CARF: variants seen among roughly 807,000 people sequenced by gnomAD.
CARF encodes calcium-responsive transcription factor.
Under a neutral mutation model 82.0 loss-of-function variants are expected in CARF, and 57 were observed. That is an observed-to-expected ratio of 0.70 (90% CI 0.56 to 0.87). CARF has a LOEUF of 0.87. CARF is among the 40% of genes least tolerant of loss of function. CARF has a pLI of 0.00. For synonymous variants in CARF, 268 were observed against 290.1 expected (o/e 0.92, Z 0.77); for missense variants, 771 against 855.8 (o/e 0.90, Z 1.24).
In CARF at chr2:202,956,934, G is replaced by A. The variant is rs149657582; in HGVS notation, c.642+1176G>A. Among the ~76,000 whole-genome samples, 40 of 152,066 alleles carry A rather than the reference G, an allele frequency of 2.6e-4. No individual in the cohort carries two copies. In the East Asian group the frequency reaches 6.6e-3, roughly 25 times the overall value. On this transcript the variant is annotated intron_variant, in intron 8 of 16. Transcript: ENST00000438828. ...CTCTTGAGTAGCTGAGACTACTTGC[G>A]CGTGCCACCACGCTCAGCTAATTTT...
At position 202,971,488 on chromosome 2, in the gene CARF, A is replaced by G; in HGVS notation, c.1098-17A>G. ...AATGTTTAAATTTTAGTAATTTTAA[A>G]TATTTTCTCTTACCAGGTGGTATGT... On this transcript the variant is annotated splice_polypyrimidine_tract_variant and intron_variant, in intron 11 of 16. Coordinates refer to ENST00000438828, the MANE Select transcript of CARF (RefSeq NM_024744.17). 6.9e-7 allele frequency: 1 copy of G among 1,444,534 alleles called. No individual in the cohort carries two copies. The highest frequency in any genetic ancestry group is 9.5e-7 in the Non-Finnish European group (1 of 1,047,500). 89.5% of individuals were successfully genotyped at this position (1,444,534 alleles called of 1,614,324 possible).
At chr2:202,974,931 AAATGTAAATACTC>A (rs1243809941) in intron 13 of CARF, among the ~76,000 whole-genome samples, 16 of 152,184 alleles carry the variant, frequency 1.1e-4, no homozygotes, top group Admixed American at 8.5e-4. Context: ...CTTTTTCTTA[AAATGTAAATACTC>A]AATGTTTAGA....
At chr2:202,970,454 A>C (rs1541853) in intron 11 of CARF, among the ~76,000 whole-genome samples, 13,490 of 152,274 alleles carry the variant, frequency 0.089, 737 homozygotes, top group Non-Finnish European at 0.12. Context: ...ATCTTTGATT[A>C]CTTACGGCAG....
chr2:202,915,595 G>A (rs890177717), intron 1 of CARF, among the ~76,000 whole-genome samples: 10 of 151,982 alleles, frequency 6.6e-5, no homozygotes, highest in South Asian at 2.1e-4. Context: ...TCAGCCTCCC[G>A]AGTAGCTGGG....
chr2:202,949,431 C>T (rs2058653076), intron 5 of CARF, among the ~76,000 whole-genome samples: 1 of 151,730 alleles, frequency 6.6e-6, no homozygotes, highest in Admixed American at 6.6e-5. Flanking sequence ...GCTAGAACTA[C>T]AGGGGTGTGC....
intron 3 of CARF, among the ~76,000 whole-genome samples, chr2:202,936,172 A>T (rs1693900661): frequency 6.6e-6 from 1 of 152,148 alleles, no homozygotes; most frequent in Admixed American, 6.6e-5. Flanking sequence ...ACATCCCAAG[A>T]AAAATTCCTT....
intron 9 of CARF, chr2:202,963,315 CA>C (rs34931291): frequency 0.83 from 104,462 of 125,270 alleles, 43,400 homozygotes; most frequent in Non-Finnish European, 0.92. Flanking sequence ...GACTCCGTCT[CA>C]AAAAAAAAAA....
chr2:202,912,408 G>C lies in CARF; in HGVS notation c.-1024G>C, dbSNP rs1471165141. ...CTTGTGGGGCTATCGGCGGCGGCAG[G>C]ACTGGGGGAGTCAGAGGTCTGGCAG... On this transcript the variant is annotated 5_prime_UTR_variant, in exon 1 of 17. Transcript: ENST00000438828. 1 of 150,786 alleles carries C rather than the reference G, an allele frequency of 6.6e-6. No individual in the cohort carries two copies. The highest frequency in any genetic ancestry group is 2.4e-5 in the African/African-American group (1 of 41,090). The allele number at this position is 150,786 out of a possible 1,614,324, so 9.3% of individuals were successfully genotyped here.
intron 6 of CARF, among the ~76,000 whole-genome samples, chr2:202,953,578 G>A (rs1230847405): frequency 9.6e-6 from 1 of 104,282 alleles, no homozygotes; most frequent in Non-Finnish European, 1.8e-5. Context: ...ATACTGTTAT[G>A]TTGCTTCTTC....
chr2:202,942,764 G>A lies in CARF; in HGVS notation c.103G>A (p.Asp35Asn), dbSNP rs754986358. Residue 35 changes from aspartate to asparagine, a missense_variant, in exon 5 of 17, where the codon GAT becomes AAT. Transcript: ENST00000438828. ...GCATCTAATCTGTATGGACTCCAGG[G>A]ATTCTTCCTTTGGACAAAATGATTC... The part of the protein sequence containing the change: ...FEHLICMDSR[D>N]SSFGQNDSPT... The A allele has an allele frequency of 1.3e-5, 21 of 1,613,526 alleles. 1 individual carries two copies. The Middle Eastern group carries it at 6.6e-4, about 51-fold the overall frequency.
At chr2:202,959,682 G>A (rs1184425533) in intron 8 of CARF, among the ~76,000 whole-genome samples, 2 of 151,988 alleles carry the variant, frequency 1.3e-5, no homozygotes, top group East Asian at 3.9e-4. Flanking sequence ...GGTGATGCAC[G>A]CCTGTAATCC....
At chr2:202,930,517 T>C (rs949342739) in intron 3 of CARF, among the ~76,000 whole-genome samples, 29 of 152,220 alleles carry the variant, frequency 1.9e-4, no homozygotes, top group Admixed American at 1.9e-3. Context: ...AGCTCTCTAT[T>C]GTATTTATTT....
At chr2:202,925,066 T>A in intron 3 of CARF, 1 of 416,146 alleles carries the variant, frequency 2.4e-6, no homozygotes, top group Non-Finnish European at 4.7e-6. Flanking sequence ...GTTTGAGAGC[T>A]ACATCAACAA....
intron 5 of CARF, among the ~76,000 whole-genome samples, chr2:202,947,942 G>A (rs2058576024): frequency 6.6e-6 from 1 of 152,128 alleles, no homozygotes. Context: ...CCCTTGTCCA[G>A]GATGGTATTG....
rs1689214952 is a variant in CARF, at chr2:202,914,450, CAG to C, written c.-330+1352_-330+1353del. ...CAGTTCCAGTTTTCTTATCTACAAA[CAG>C]AGACAAGAAGATCTACCTCAGAGTC... On this transcript the variant is annotated intron_variant, in intron 1 of 16. Coordinates refer to ENST00000438828, the MANE Select transcript of CARF (RefSeq NM_024744.17). Among the ~76,000 whole-genome samples, 3 of 152,034 alleles carry C rather than the reference CAG, an allele frequency of 2.0e-5. No individual in the cohort carries two copies. In the South Asian group the frequency reaches 6.2e-4, roughly 32 times the overall value.
At chr2:202,969,184 T>C (rs756304820) in intron 10 of CARF, among the ~76,000 whole-genome samples, 8 of 151,874 alleles carry the variant, frequency 5.3e-5, no homozygotes, top group Non-Finnish European at 1.0e-4. Flanking sequence ...TCCCAGCTAC[T>C]GGGGGAGGCT....
intron 14 of CARF, among the ~76,000 whole-genome samples, chr2:202,978,142 G>A (rs936874166): frequency 1.3e-5 from 2 of 152,060 alleles, no homozygotes; most frequent in Admixed American, 6.6e-5. Flanking sequence ...CACTGCACCC[G>A]GCCAAACCTC....
At position 202,983,580 on chromosome 2, in the gene CARF, G is replaced by C. The variant is rs866094716; in HGVS notation, c.2134G>C (p.Glu712Gln). 1 of 1,610,520 alleles carries C rather than the reference G, an allele frequency of 6.2e-7. No homozygotes were observed. Among genetic ancestry groups the C allele is most frequent in the Middle Eastern group, 1.7e-4 (1 of 6,040 alleles). ...ACCCAAAGAACCAGCATTGTCTATG[G>C]AAGCAAAAAAAACTGTGGACTATAA... is the stretch of plus-strand genomic sequence containing the variant. ...QEPKEPALSM[E>Q]AKKTVDYKKL... is the part of the protein sequence containing the mutation. The change falls in exon 17 of 17, where the codon GAA becomes CAA. Residue 712 changes from glutamate to glutamine, a missense_variant. By Grantham distance (29) the Glu-to-Gln change is conservative. Transcript: ENST00000438828.
chr2:202,938,022 T>C (rs1195419409), intron 3 of CARF, among the ~76,000 whole-genome samples: 1 of 152,166 alleles, frequency 6.6e-6, no homozygotes, highest in Non-Finnish European at 1.5e-5. Context: ...TGTATAATAA[T>C]CATAGCATGT....
Sources: gnomAD v4.1 joint callset for allele counts (sites outside exome capture counted in the v4.1 genomes callset) on GRCh38, gnomAD v4.1.1 for gene constraint, MANE v1.5 for transcripts, NCBI Gene and HGNC (gene_info 2026-07-23, HGNC 2026-07-21) for gene names.